Variants in C7 observed in about 807,000 individuals in gnomAD.
The protein encoded by C7 is complement C7.
Under a neutral mutation model 104.8 loss-of-function variants are expected in C7, and 83 were observed. The observed-to-expected ratio is 0.79, with a 90% CI of 0.66 to 0.95. The LOEUF (loss-of-function observed/expected upper bound fraction) is 0.95, where lower values mean the gene tolerates loss of function less well. Among genes scored for constraint, C7 ranks in the 40% least tolerant of loss-of-function variants. The pLI is 0.00. For missense variants in C7, 1,070 were observed against 1,011.2 expected, an observed-to-expected ratio of 1.06 and a Z score of -0.79; for synonymous variants, 415 against 360.6, an observed-to-expected ratio of 1.15 and a Z score of -1.71.
intron 7 of C7, among the ~76,000 whole-genome samples, chr5:40,946,272 A>C (rs1389165502): frequency 2.0e-5 from 3 of 152,218 alleles, no homozygotes; most frequent in African/African-American, 7.2e-5. Flanking sequence ...AAATCTGAAC[A>C]GTAGAGATGG....
intron 14 of C7, among the ~76,000 whole-genome samples, chr5:40,968,586 ATATATATATATATATTTTTTTTTTTT>A (rs1320694235): frequency 0.017 from 1,328 of 76,184 alleles, 11 homozygotes; most frequent in African/African-American, 0.051. Context: ...ATATATATAT[ATATATATATATATATTTTTTTTTTTT>A]TTTTTTTTTT....
rs374910162 is a variant in C7, at chr5:40,975,234, A to G, written c.2075-1516A>G. Among the ~76,000 whole-genome samples, 34 of 152,314 alleles carry G rather than the reference A, an allele frequency of 2.2e-4. No homozygotes were observed. In the East Asian group the frequency reaches 2.9e-3, roughly 13 times the overall value. On this transcript the variant is annotated intron_variant, in intron 15 of 17. Coordinates refer to ENST00000313164, the MANE Select transcript of C7 (RefSeq NM_000587.4). ...AAAACTAAAAAATTAATATTAGTAC[A>G]ATGCTATTGACTAAACTATACACTT... is the stretch of plus-strand genomic sequence containing the variant.
intron 15 of C7, among the ~76,000 whole-genome samples, chr5:40,975,540 T>A (rs1221182688): frequency 6.6e-6 from 1 of 152,090 alleles, no homozygotes; most frequent in Non-Finnish European, 1.5e-5. Flanking sequence ...ATTTTTGTAT[T>A]TTTAGTAGAG....
chr5:40,932,369 T>C (rs1739703862), intron 3 of C7, among the ~76,000 whole-genome samples: 1 of 152,192 alleles, frequency 6.6e-6, no homozygotes. Flanking sequence ...TGTCCTCTTT[T>C]CCCATAATTT....
intron 9 of C7, among the ~76,000 whole-genome samples, chr5:40,953,351 G>A (rs1740217117): frequency 6.6e-6 from 1 of 151,968 alleles, no homozygotes; most frequent in South Asian, 2.1e-4. Context: ...TAGGTAAAAG[G>A]AATAAATTCG....
intron 1 of C7, among the ~76,000 whole-genome samples, chr5:40,921,144 A>G (rs1739430312): frequency 6.6e-6 from 1 of 152,190 alleles, no homozygotes; most frequent in South Asian, 2.1e-4. Flanking sequence ...ACATGCAAAA[A>G]TCAGCAGCAT....
At chr5:40,972,696 C>A in intron 15 of C7, 102 bp downstream of exon 15, 1 of 889,312 alleles carries the variant, frequency 1.1e-6, no homozygotes, top group Non-Finnish European at 1.7e-6. Flanking sequence ...GTGAGTCATT[C>A]CCTCCATTCT....
chr5:40,949,180 G>A (rs984173799), intron 8 of C7, among the ~76,000 whole-genome samples: 1 of 151,818 alleles, frequency 6.6e-6, no homozygotes, highest in Admixed American at 6.6e-5. Context: ...TTACTCTTGA[G>A]CAGTTTATGT....
chr5:40,921,049 C>CA (rs34006222), intron 1 of C7, among the ~76,000 whole-genome samples: 6,254 of 126,210 alleles, frequency 0.05, 173 homozygotes, highest in Non-Finnish European at 0.064. Context: ...ACTCTGTCTC[C>CA]AAAAAAAAAA....
intron 4 of C7, among the ~76,000 whole-genome samples, chr5:40,935,415 C>T (rs916832370): frequency 2.6e-5 from 4 of 152,118 alleles, no homozygotes; most frequent in African/African-American, 9.7e-5. Context: ...GGCAGTATAG[C>T]AGGGTACATG....
chr5:40,947,741 G>A lies in C7; in HGVS notation c.878G>A (p.Arg293Gln), dbSNP rs764221802. Residue 293 changes from arginine (R) to glutamine (Q), a missense_variant, in exon 8 of 18, where the codon CGA (arginine) becomes CAA (glutamine). Arg to Gln is a conservative substitution (Grantham distance 43, BLOSUM62 1). Coordinates refer to ENST00000313164, the MANE Select transcript of C7 (RefSeq NM_000587.4). ...LPSLYDYSAY[R>Q]RLIDQYGTHY... ...TCTCTGTATGACTACAGTGCCTACC[G>A]AAGATTAATCGACCAGTACGGGACA... The A allele has an allele frequency of 9.9e-6, 16 of 1,613,726 alleles. No individual in the cohort carries two copies. Among genetic ancestry groups the A allele is most frequent in the South Asian group, 3.3e-5 (3 of 91,076 alleles).
intron 6 of C7, among the ~76,000 whole-genome samples, chr5:40,939,020 C>T (rs1739874360): frequency 1.3e-5 from 2 of 152,176 alleles, no homozygotes; most frequent in Non-Finnish European, 1.5e-5. Flanking sequence ...CCCTCTCTCA[C>T]TCCTTTTCCT....
chr5:40,958,352 G>A, intron 11 of C7, 91 bp downstream of exon 11: 1 of 698,816 alleles, frequency 1.4e-6, no homozygotes, highest in Non-Finnish European at 2.2e-6. Flanking sequence ...CTTTGTGTAT[G>A]AAGAGATGAA....
chr5:40,947,458 T>C (rs1740073898), intron 7 of C7, 144 bp from the exon 8 acceptor site: 3 of 823,668 alleles, frequency 3.6e-6, no homozygotes, highest in Non-Finnish European at 5.9e-6. Flanking sequence ...CCCATAAGAG[T>C]GCTCATCATG....
At chr5:40,936,944 G>A (rs1047209475) in intron 5 of C7, among the ~76,000 whole-genome samples, 2 of 152,128 alleles carry the variant, frequency 1.3e-5, no homozygotes, top group African/African-American at 2.4e-5. Flanking sequence ...AACTAGCCAA[G>A]AACCTGTTTC....
At chr5:40,959,364 A>G in intron 11 of C7, 85 bp from the exon 12 acceptor site, 1 of 1,204,492 alleles carries the variant, frequency 8.3e-7, no homozygotes. Context: ...CTCTTCCTCC[A>G]ATTAACTTGT....
In C7 at chr5:40,960,465, A is replaced by G. The variant is rs1209373715; in HGVS notation, c.1661+845A>G. Among the ~76,000 whole-genome samples, 4 of 152,162 alleles carry G rather than the reference A, an allele frequency of 2.6e-5. No homozygotes were observed. The East Asian group carries it at 7.7e-4, about 29-fold the overall frequency. On this transcript the variant is annotated intron_variant, in intron 12 of 17. Transcript: ENST00000313164. ...GGCATTAATCAGTATCTCTTGACTGAGGAAGCTGGCAAGCATGTGAACTAT... is the reference window on the plus strand; with the variant it reads ...GGCATTAATCAGTATCTCTTGACTGGGGAAGCTGGCAAGCATGTGAACTAT...
chr5:40,919,072 A>T (rs1193550846), intron 1 of C7, among the ~76,000 whole-genome samples: 1 of 151,470 alleles, frequency 6.6e-6, no homozygotes, highest in East Asian at 1.9e-4. Flanking sequence ...ATAACATTTT[A>T]GGGGGAAAAA....
chr5:40,934,010 A>G (rs1416880434), intron 3 of C7, among the ~76,000 whole-genome samples: 2 of 147,488 alleles, frequency 1.4e-5, no homozygotes, highest in Non-Finnish European at 3.0e-5. Context: ...ATCTCAGCTC[A>G]CTGCAATCAG....
Sources: gnomAD v4.1 joint callset for allele counts (sites outside exome capture counted in the v4.1 genomes callset) on GRCh38, gnomAD v4.1.1 for gene constraint, MANE v1.5 for transcripts, NCBI Gene and HGNC (gene_info 2026-07-23, HGNC 2026-07-21) for gene names.